The following ELMO1 variants were observed in gnomAD, a reference collection of about 807,000 sequenced individuals.
ELMO1 encodes engulfment and cell motility protein 1.
In ELMO1, 26 loss-of-function variants were observed where a neutral mutation model predicts 98.9. The observed-to-expected ratio is 0.26, with a 90% CI of 0.19 to 0.36. ELMO1 has a LOEUF of 0.36. Ranked by LOEUF, ELMO1 falls within the 10% of genes least tolerant of loss-of-function variation. ELMO1 has a pLI of 1.00. For synonymous variants in ELMO1, 346 were observed against 346.0 expected, an observed-to-expected ratio of 1.00 and a Z score of 0.00; for missense variants, 627 against 935.2, an observed-to-expected ratio of 0.67 and a Z score of 4.30.
At chr7:37,397,140 T>C (rs1335631210) in intron 1 of ELMO1, among the ~76,000 whole-genome samples, 3 of 152,216 alleles carry the variant, frequency 2.0e-5, no homozygotes, top group Admixed American at 1.3e-4. Context: ...GCAAAATATA[T>C]AGTCAACTGA....
intron 15 of ELMO1, among the ~76,000 whole-genome samples, chr7:37,018,544 G>A (rs1031707682): frequency 6.7e-6 from 1 of 150,070 alleles, no homozygotes; most frequent in Admixed American, 6.6e-5. Flanking sequence ...AGGTGCAATC[G>A]TGGCTCACTG....
intron 6 of ELMO1, among the ~76,000 whole-genome samples, chr7:37,255,470 C>A (rs1005825230): frequency 1.3e-5 from 2 of 152,102 alleles, no homozygotes; most frequent in African/African-American, 4.8e-5. Context: ...GCAGCCCTAG[C>A]AAAGTAAAGC....
intron 1 of ELMO1, among the ~76,000 whole-genome samples, chr7:37,344,535 C>T (rs540124037): frequency 1.1e-4 from 17 of 152,312 alleles, no homozygotes; most frequent in Admixed American, 2.6e-4. Context: ...GATCCATAAA[C>T]TTATATATAA....
At chr7:37,062,648 G>C (rs1156976734) in intron 15 of ELMO1, among the ~76,000 whole-genome samples, 1 of 152,172 alleles carries the variant, frequency 6.6e-6, no homozygotes, top group Non-Finnish European at 1.5e-5. Flanking sequence ...TAGCGTCACT[G>C]TTGATGTGTT....
At chr7:37,265,433 G>GT (rs1796186068) in intron 5 of ELMO1, among the ~76,000 whole-genome samples, 1 of 151,952 alleles carries the variant, frequency 6.6e-6, no homozygotes, top group Non-Finnish European at 1.5e-5. Context: ...CATTGACCCA[G>GT]TTTCCCTACA....
At chr7:37,147,203 A>T (rs1169080106) in intron 13 of ELMO1, among the ~76,000 whole-genome samples, 1 of 152,196 alleles carries the variant, frequency 6.6e-6, no homozygotes, top group Non-Finnish European at 1.5e-5. Flanking sequence ...TGATTCTTTA[A>T]GGTGAGGCAC....
chr7:37,113,606 T>C (rs1047481560), intron 14 of ELMO1, among the ~76,000 whole-genome samples: 28 of 152,126 alleles, frequency 1.8e-4, no homozygotes, highest in Admixed American at 1.6e-3. Flanking sequence ...CAGAGGTACC[T>C]GGTATGTTCA....
At position 37,279,760 on chromosome 7, in the gene ELMO1, G is replaced by A. The variant is rs139696649; in HGVS notation, c.193-7878C>T. On this transcript the variant is annotated intron_variant, in intron 4 of 21. Transcript: ENST00000310758. The stretch of plus-strand genomic sequence containing the variant: ...CGGGAGGGTGGCCAGTGGAGCAGGG[G>A]GTATAACTCCACAGGGAGAAGGAAA... Among the ~76,000 whole-genome samples the A allele has an allele frequency of 9.8e-3, 1,487 of 152,290 alleles. 12 individuals are homozygous for A. The highest frequency in any genetic ancestry group is 0.015 in the Non-Finnish European group (1,037 of 68,018).
chr7:36,943,199 G>A (rs952609102), intron 16 of ELMO1, among the ~76,000 whole-genome samples: 4 of 152,292 alleles, frequency 2.6e-5, no homozygotes, highest in South Asian at 2.1e-4. Flanking sequence ...ATGAGCAGGC[G>A]ACACATTCAT....
intron 1 of ELMO1, among the ~76,000 whole-genome samples, chr7:37,347,046 G>C (rs1986567): frequency 0.57 from 86,197 of 151,944 alleles, 24,567 homozygotes; most frequent in East Asian, 0.67. Context: ...GACCTCATCA[G>C]TTTTCCCCAA....
intron 16 of ELMO1, among the ~76,000 whole-genome samples, chr7:36,981,205 T>C (rs1791020831): frequency 6.7e-6 from 1 of 149,540 alleles, no homozygotes; most frequent in Admixed American, 6.6e-5. Context: ...CTTAAACTTT[T>C]CCAAAGCTCA....
intron 13 of ELMO1, among the ~76,000 whole-genome samples, chr7:37,175,296 T>C (rs1790441730): frequency 6.6e-6 from 1 of 152,242 alleles, no homozygotes; most frequent in African/African-American, 2.4e-5. Flanking sequence ...CAACACCTTG[T>C]GCAATGCAAA....
intron 1 of ELMO1, among the ~76,000 whole-genome samples, chr7:37,417,016 C>T (rs1208833010): frequency 1.3e-5 from 2 of 152,230 alleles, no homozygotes; most frequent in Admixed American, 6.5e-5. Flanking sequence ...TAAACCCCTA[C>T]TGAGCACTTT....
intron 4 of ELMO1, among the ~76,000 whole-genome samples, chr7:37,312,411 G>A (rs1798935225): frequency 6.6e-6 from 1 of 152,188 alleles, no homozygotes; most frequent in African/African-American, 2.4e-5. Flanking sequence ...TGAACTTTGT[G>A]CACAACTTCT....
intron 16 of ELMO1, among the ~76,000 whole-genome samples, chr7:36,943,009 C>T (rs1185920463): frequency 1.3e-5 from 2 of 152,188 alleles, no homozygotes; most frequent in Non-Finnish European, 2.9e-5. Context: ...ATCATGGTCA[C>T]GGCAGGCTGG....
intron 6 of ELMO1, among the ~76,000 whole-genome samples, chr7:37,250,749 G>A (rs11760708): frequency 0.061 from 8,460 of 139,670 alleles, 304 homozygotes; most frequent in Middle Eastern, 0.12. Context: ...CCAAGATTGC[G>A]CCATTGCACT....
At chr7:36,990,213 C>A (rs770129489) in intron 16 of ELMO1, among the ~76,000 whole-genome samples, 1 of 152,236 alleles carries the variant, frequency 6.6e-6, no homozygotes, top group African/African-American at 2.4e-5. Flanking sequence ...GACTTTCTGG[C>A]GATTTTTTCG....
At chr7:37,006,002 GCAGAAC>G (rs1363173636) in intron 16 of ELMO1, among the ~76,000 whole-genome samples, 2 of 152,158 alleles carry the variant, frequency 1.3e-5, no homozygotes, top group Non-Finnish European at 2.9e-5. Flanking sequence ...TCTGAAGCCA[GCAGAAC>G]CAAGTCCCTT....
intron 13 of ELMO1, among the ~76,000 whole-genome samples, chr7:37,164,046 A>G (rs1196300731): frequency 2.6e-5 from 4 of 152,156 alleles, no homozygotes; most frequent in East Asian, 3.8e-4. Flanking sequence ...GGTGTGAGAT[A>G]ATATCCCATT....
Sources: allele counts gnomAD v4.1 joint callset (sites outside exome capture counted in the v4.1 genomes callset), GRCh38; gene constraint gnomAD v4.1.1; transcripts MANE v1.5; gene names NCBI Gene and HGNC (gene_info 2026-07-23, HGNC 2026-07-21).